Variants in CRMP1 observed in about 807,000 individuals in gnomAD.
CRMP1 encodes collapsin response mediator protein 1.
Under a neutral mutation model 68.3 loss-of-function variants are expected in CRMP1, and 19 were observed. The ratio of observed to expected loss-of-function variants is 0.28; its 90% CI spans 0.19 to 0.41. The LOEUF (loss-of-function observed/expected upper bound fraction) is 0.41. CRMP1 is among the 10% of genes least tolerant of loss of function. CRMP1 has a pLI of 1.00. For missense variants in CRMP1, 791 were observed against 967.4 expected (o/e 0.82, Z 2.42); for synonymous variants, 439 against 399.6 (o/e 1.10, Z -1.18).
At position 5,861,220 on chromosome 4, in the gene CRMP1, A is replaced by G; in HGVS notation, c.471-10T>C. 4 of 1,611,516 alleles carry G rather than the reference A, an allele frequency of 2.5e-6. No individual in the cohort carries two copies. Among genetic ancestry groups the G allele is most frequent in the Non-Finnish European group, 3.4e-6 (4 of 1,178,490 alleles). On this transcript the variant is annotated splice_polypyrimidine_tract_variant and intron_variant, in intron 2 of 13. Transcript: ENST00000324989. This position sits in a 1 kb window ranked among gnomAD's most constrained non-coding sequence, Gnocchi z 6.0. ...GTTCTCTCCTATTTGTCTGGAGGCAAACAACAGAGACAGCCTTGGTTCTTA... is the reference window on the plus strand; with the variant it reads ...GTTCTCTCCTATTTGTCTGGAGGCAGACAACAGAGACAGCCTTGGTTCTTA...
rs537629074 is a variant in CRMP1, at chr4:5,862,042, C to G, written c.471-832G>C. The stretch of plus-strand genomic sequence containing the variant: ...CCTGGGCTCCTGTGAGAAGCTGGGC[C>G]AGCAAGCAGGTCCCAGCTGGGGCTC... On this transcript the variant is annotated intron_variant, in intron 2 of 13. Transcript: ENST00000324989. Among the ~76,000 whole-genome samples the G allele has an allele frequency of 2.6e-5, 4 of 152,182 alleles. No homozygotes were observed. In the South Asian group the frequency reaches 8.3e-4, roughly 32 times the overall value.
In CRMP1 at chr4:5,825,785, C is replaced by T; in HGVS notation, c.1804-126G>A. The T allele has an allele frequency of 1.2e-6, 1 of 869,384 alleles. No individual in the cohort carries two copies. The highest frequency in any genetic ancestry group is 1.8e-6 in the Non-Finnish European group (1 of 559,674). 53.9% of individuals were successfully genotyped at this position (869,384 alleles called of 1,614,324 possible). The stretch of plus-strand genomic sequence containing the variant: ...CACTTCAAATGTGCATGCACACACA[C>T]ACACAACACGCACACACGACAGGTG... On this transcript the variant is annotated intron_variant, in intron 12 of 13. Transcript: ENST00000324989. This position sits in a 1 kb window ranked among gnomAD's most constrained non-coding sequence, Gnocchi z 4.4.
chr4:5,854,400 T>C lies in CRMP1; in HGVS notation c.820+1743A>G, dbSNP rs893375409. Among the ~76,000 whole-genome samples the C allele has an allele frequency of 8.6e-3, 21 of 2,434 alleles. No homozygotes were observed. The South Asian group carries it at 0.11, about 12-fold the overall frequency. The allele number at this position is 2,434 out of a possible 152,430, so 1.6% of individuals were successfully genotyped here. ...GCGTACACCACCACTCCTGGCTATGTTTTTTTTTTTTTTTTTTTTTTTTTA... is the reference window on the plus strand; with the variant it reads ...GCGTACACCACCACTCCTGGCTATGCTTTTTTTTTTTTTTTTTTTTTTTTA... On this transcript the variant is annotated intron_variant, in intron 4 of 13. Transcript: ENST00000324989. The surrounding 1 kb of genome is among the most constrained non-coding windows in gnomAD (Gnocchi z 4.0).
At chr4:5,836,690 C>T (rs190737248) in intron 10 of CRMP1, 75 bp downstream of exon 10, 49 of 1,605,086 alleles carry the variant, frequency 3.1e-5, no homozygotes, top group Non-Finnish European at 4.1e-5. Context: ...AAGAACCCAG[C>T]GTGCATAATG....
chr4:5,831,293 A>G (rs1035126884), intron 11 of CRMP1, among the ~76,000 whole-genome samples: 3 of 151,880 alleles, frequency 2.0e-5, no homozygotes, highest in Admixed American at 6.6e-5. Context: ...TTTCCATTCT[A>G]TTTTCCAAAG....
intron 1 of CRMP1, among the ~76,000 whole-genome samples, chr4:5,878,073 T>C (rs994720069): frequency 6.6e-6 from 1 of 152,240 alleles, no homozygotes; most frequent in African/African-American, 2.4e-5. Flanking sequence ...CTGCATTACA[T>C]GGGTTTTCAT....
At chr4:5,827,723 A>G (rs6854955) in intron 12 of CRMP1, among the ~76,000 whole-genome samples, 3 of 135,820 alleles carry the variant, frequency 2.2e-5, no homozygotes, top group Admixed American at 1.4e-4. Context: ...ACATACACAC[A>G]TGTGCGCGTG....
rs200850527 is a variant in CRMP1 at position 5,837,674 on chromosome 4, AAAAT to A, written c.1311-772_1311-769del. On this transcript the variant is annotated intron_variant, in intron 9 of 13. Transcript: ENST00000324989. ...ATAATAAAATAAAATAAAATAAAATAAAATAAATAAAATAAAATAAAATAAAAAA... is the reference window on the plus strand; with the variant it reads ...ATAATAAAATAAAATAAAATAAAATAAAATAAAATAAAATAAAATAAAAAA... Among the ~76,000 whole-genome samples, 7 of 96,040 alleles carry A rather than the reference AAAAT, an allele frequency of 7.3e-5. 1 individual carries two copies. Among genetic ancestry groups the A allele is most frequent in the East Asian group, 9.1e-4 (2 of 2,190 alleles). 63.0% of individuals were successfully genotyped at this position (96,040 alleles called of 152,430 possible).
At chr4:5,839,781 T>C in intron 8 of CRMP1, 103 bp from the exon 9 acceptor site, 4 of 1,329,260 alleles carry the variant, frequency 3.0e-6, no homozygotes, top group Non-Finnish European at 3.0e-6. Context: ...CGGGGCTGGC[T>C]GAAGGCCAGA....
In CRMP1 at chr4:5,872,783, C is replaced by G. The variant is rs977200714; in HGVS notation, c.382-6027G>C. ...GCTGAATTGATTAGCTAGGGCATGT[C>G]AGAGATACAGTTCGTTCCACAGCGA... On this transcript the variant is annotated intron_variant, in intron 1 of 13. Transcript: ENST00000324989. This position sits in a 1 kb window ranked among gnomAD's most constrained non-coding sequence, Gnocchi z 4.6. Among the ~76,000 whole-genome samples, 3 of 152,214 alleles carry G rather than the reference C, an allele frequency of 2.0e-5. No homozygotes were observed. The East Asian group carries it at 5.8e-4, about 29-fold the overall frequency.
rs1490847942 is a variant in CRMP1 at position 5,870,620 on chromosome 4, G to C, written c.382-3864C>G. Among the ~76,000 whole-genome samples the C allele has an allele frequency of 1.3e-5, 2 of 152,238 alleles. No homozygotes were observed. The highest frequency in any genetic ancestry group is 2.9e-5 in the Non-Finnish European group (2 of 68,046). On this transcript the variant is annotated intron_variant, in intron 1 of 13. Coordinates refer to ENST00000324989, the MANE Select transcript of CRMP1 (RefSeq NM_001014809.3). This position sits in a 1 kb window ranked among gnomAD's most constrained non-coding sequence, Gnocchi z 6.0. Reference sequence around the variant, plus strand: ...ACAGATGAATGGGTGAAGATGGAGAGAAAGGCATCACAGCTGTGAGCCGAG... The same window carrying C: ...ACAGATGAATGGGTGAAGATGGAGACAAAGGCATCACAGCTGTGAGCCGAG...
chr4:5,847,478 G>A (rs1052060781), intron 6 of CRMP1, among the ~76,000 whole-genome samples: 3 of 152,166 alleles, frequency 2.0e-5, no homozygotes, highest in Non-Finnish European at 4.4e-5. Flanking sequence ...TCCTGCCCTT[G>A]TATAATCCCT....
In CRMP1 at chr4:5,825,742, G is replaced by A. The variant is rs541952461; in HGVS notation, c.1804-83C>T. On this transcript the variant is annotated intron_variant, in intron 12 of 13. Transcript: ENST00000324989. The surrounding 1 kb of genome is among the most constrained non-coding windows in gnomAD (Gnocchi z 4.4). ...GCAGATAAAGCAGAGCCCTGCGGGC[G>A]AGAGAGAAACCTGAGGTCACTTCAA... 2.1e-5 allele frequency: 30 copies of A among 1,457,176 alleles called. No individual in the cohort carries two copies. Among genetic ancestry groups the A allele is most frequent in the African/African-American group, 8.6e-5 (6 of 69,782 alleles). The allele number at this position is 1,457,176 out of a possible 1,614,324, so 90.3% of individuals were successfully genotyped here. A position where few individuals can be genotyped will look rare whatever the true frequency, so the allele number is the denominator to read the frequency against.
At position 5,821,644 on chromosome 4, in the gene CRMP1, C is replaced by A; in HGVS notation, c.*116G>T. The A allele has an allele frequency of 1.0e-6, 1 of 963,904 alleles. No homozygotes were observed. Among genetic ancestry groups the A allele is most frequent in the African/African-American group, 1.6e-5 (1 of 61,396 alleles). The allele number at this position is 963,904 out of a possible 1,614,324, so 59.7% of individuals were successfully genotyped here. A position where few individuals can be genotyped will look rare whatever the true frequency, so the allele number is the denominator to read the frequency against. On this transcript the variant is annotated 3_prime_UTR_variant, in exon 14 of 14. Transcript: ENST00000324989. This position sits in a 1 kb window ranked among gnomAD's most constrained non-coding sequence, Gnocchi z 4.4. ...AGAAAAGGGAAAGAGCATCCTTCGACTTCCCCCTCCCTCCATCAGCACCAA... is the reference window on the plus strand; with the variant it reads ...AGAAAAGGGAAAGAGCATCCTTCGAATTCCCCCTCCCTCCATCAGCACCAA...
At chr4:5,882,495 C>T (rs765323834) in intron 1 of CRMP1, among the ~76,000 whole-genome samples, 8 of 152,226 alleles carry the variant, frequency 5.3e-5, no homozygotes, top group Non-Finnish European at 1.0e-4. Context: ...AGCTAATCCA[C>T]ATTGCATTTA....
chr4:5,888,275 C>A lies in CRMP1; in HGVS notation c.381+4314G>T. The stretch of plus-strand genomic sequence containing the variant: ...TTGCCCTGGTACGACATGGCCCCCT[C>A]TGGCGCCCTCGGCCCGGCCGCTGAC... On this transcript the variant is annotated intron_variant, in intron 1 of 13. Transcript: ENST00000324989. The surrounding 1 kb of genome is among the most constrained non-coding windows in gnomAD (Gnocchi z 6.4). 1 of 1,274,202 alleles carries A rather than the reference C, an allele frequency of 7.8e-7. No individual in the cohort carries two copies. The highest frequency in any genetic ancestry group is 1.0e-6 in the Non-Finnish European group (1 of 1,003,296). The allele number at this position is 1,274,202 out of a possible 1,614,324, so 78.9% of individuals were successfully genotyped here. A position where few individuals can be genotyped will look rare whatever the true frequency, so the allele number is the denominator to read the frequency against.
intron 2 of CRMP1, among the ~76,000 whole-genome samples, chr4:5,864,973 G>C (rs562244483): frequency 1.1e-3 from 172 of 151,338 alleles, no homozygotes; most frequent in Non-Finnish European, 2.2e-3. Flanking sequence ...GGGAGGCAGG[G>C]AGGGCTCAAC....
At position 5,821,915 on chromosome 4, in the gene CRMP1, G is replaced by C; in HGVS notation, c.1970-64C>G. 1 of 1,288,976 alleles carries C rather than the reference G, an allele frequency of 7.8e-7. No homozygotes were observed. The highest frequency in any genetic ancestry group is 1.0e-6 in the Non-Finnish European group (1 of 956,152). The allele number at this position is 1,288,976 out of a possible 1,614,324, so 79.8% of individuals were successfully genotyped here. Reference sequence around the variant, plus strand: ...TAGCATCAGTTCCACGCTGCTCCTGGAGGCCATGTACTCTGCCATGCACTC... The same window carrying C: ...TAGCATCAGTTCCACGCTGCTCCTGCAGGCCATGTACTCTGCCATGCACTC... On this transcript the variant is annotated intron_variant, in intron 13 of 13. Coordinates refer to ENST00000324989, the MANE Select transcript of CRMP1 (RefSeq NM_001014809.3). This position sits in a 1 kb window ranked among gnomAD's most constrained non-coding sequence, Gnocchi z 4.4.
At position 5,860,721 on chromosome 4, in the gene CRMP1, G is replaced by GT. The variant is rs1480183267; in HGVS notation, c.655+304dup. ...AAATTTTGTTTCTAAAAATCTAAATGTGACTTCAGTCTCATGCTAAGCGAT... is the reference window on the plus strand; with the variant it reads ...AAATTTTGTTTCTAAAAATCTAAATGTTGACTTCAGTCTCATGCTAAGCGAT... On this transcript the variant is annotated intron_variant, in intron 3 of 13. Transcript: ENST00000324989. This position sits in a 1 kb window ranked among gnomAD's most constrained non-coding sequence, Gnocchi z 4.2. Among the ~76,000 whole-genome samples the GT allele has an allele frequency of 6.6e-6, 1 of 150,838 alleles. No individual in the cohort carries two copies. Among genetic ancestry groups the GT allele is most frequent in the Non-Finnish European group, 1.5e-5 (1 of 67,852 alleles).
Sources: allele counts gnomAD v4.1 joint callset (sites outside exome capture counted in the v4.1 genomes callset), GRCh38; gene constraint gnomAD v4.1.1; non-coding constraint Gnocchi (gnomAD v3.1); transcripts MANE v1.5; gene names NCBI Gene and HGNC (gene_info 2026-07-23, HGNC 2026-07-21).